Variants in DNAH9 observed in about 807,000 individuals in gnomAD.
The protein encoded by DNAH9 is dynein axonemal heavy chain 9, also known as DNAH9 variant protein.
Under a neutral mutation model 471.6 loss-of-function variants are expected in DNAH9, and 345 were observed. The ratio of observed to expected loss-of-function variants is 0.73; its 90% CI spans 0.67 to 0.80. The LOEUF (loss-of-function observed/expected upper bound fraction) is 0.80. DNAH9 is among the 30% of genes least tolerant of loss of function. The probability of loss-of-function intolerance (pLI) is 0.00; values close to 1 mark genes in which losing one functional copy is unlikely to be tolerated. For synonymous variants in DNAH9, 2,093 were observed against 2,123.6 expected, an observed-to-expected ratio of 0.99 and a Z score of 0.40; for missense variants, 5,407 against 5,609.2, an observed-to-expected ratio of 0.96 and a Z score of 1.15.
At chr17:11,942,178 T>A in intron 66 of DNAH9, 125 bp from the exon 67 acceptor site, 1 of 1,330,472 alleles carries the variant, frequency 7.5e-7, no homozygotes, top group Non-Finnish European at 1.0e-6. Flanking sequence ...AGTTTGGCCA[T>A]GTCAGTGGGT....
At position 11,886,322 on chromosome 17, in the gene DNAH9, TCAAACAAA is replaced by T. The variant is rs371583670; in HGVS notation, c.10972-482_10972-475del. ...CTGGGGACAAGAGCGAGACTTTGTC[TCAAACAAA>T]CAAACAAACAAACAAACAAAAAAGA... On this transcript the variant is annotated intron_variant, in intron 56 of 68. Coordinates refer to ENST00000262442, the MANE Select transcript of DNAH9 (RefSeq NM_001372.4). Among the ~76,000 whole-genome samples the T allele has an allele frequency of 2.5e-3, 375 of 152,000 alleles. 5 individuals are homozygous for T. The highest frequency in any genetic ancestry group is 8.4e-3 in the African/African-American group (350 of 41,456).
chr17:11,649,295 A>G (rs1298063549), intron 12 of DNAH9, among the ~76,000 whole-genome samples: 1 of 152,208 alleles, frequency 6.6e-6, no homozygotes, highest in African/African-American at 2.4e-5. Context: ...GGGCATTTAC[A>G]TCATTTTACA....
At chr17:11,879,190 G>A (rs1027290531) in intron 53 of DNAH9, among the ~76,000 whole-genome samples, 1 of 152,132 alleles carries the variant, frequency 6.6e-6, no homozygotes, top group South Asian at 2.1e-4. Flanking sequence ...AAAAATGAGA[G>A]GGCGGGGTAG....
intron 19 of DNAH9, among the ~76,000 whole-genome samples, chr17:11,682,068 G>C: frequency 6.6e-6 from 1 of 152,140 alleles, no homozygotes; most frequent in East Asian, 1.9e-4. Context: ...GGATCGTTCT[G>C]GTTGTTGTCT....
At chr17:11,790,591 G>A (rs34004591) in intron 41 of DNAH9, among the ~76,000 whole-genome samples, 5,344 of 151,860 alleles carry the variant, frequency 0.035, 129 homozygotes, top group Non-Finnish European at 0.052. Context: ...AGCAGCATAC[G>A]GTTGGGTTCT....
At chr17:11,945,052 G>A (rs577631184) in intron 67 of DNAH9, among the ~76,000 whole-genome samples, 5 of 152,306 alleles carry the variant, frequency 3.3e-5, no homozygotes, top group African/African-American at 1.2e-4. Flanking sequence ...GAGTGGTCTG[G>A]CCTGTGAGTG....
chr17:11,851,341 C>T (rs1424644813), intron 49 of DNAH9, among the ~76,000 whole-genome samples: 1 of 152,116 alleles, frequency 6.6e-6, no homozygotes, highest in Admixed American at 6.6e-5. Flanking sequence ...TGGTCTCGAA[C>T]TCCTGACCTT....
chr17:11,728,685 A>T, intron 28 of DNAH9, among the ~76,000 whole-genome samples: 1 of 152,144 alleles, frequency 6.6e-6, no homozygotes, highest in East Asian at 1.9e-4. Context: ...CCCATGAACA[A>T]TCGGAGCAGT....
At chr17:11,727,728 T>TG in intron 27 of DNAH9, 90 bp from the exon 28 acceptor site, 1 of 816,860 alleles carries the variant, frequency 1.2e-6, no homozygotes, top group Non-Finnish European at 2.1e-6. Context: ...GGACTAGAAG[T>TG]ATCTATAATA....
intron 67 of DNAH9, among the ~76,000 whole-genome samples, chr17:11,957,158 TAAATG>T (rs894732594): frequency 3.3e-5 from 5 of 152,200 alleles, no homozygotes; most frequent in Admixed American, 2.0e-4. Context: ...TTCAACTACT[TAAATG>T]AAGTGAACCA....
Position 11,891,879 on chromosome 17 carries a change from T to A in DNAH9, c.11215T>A (p.Tyr3739Asn). 1.2e-6 allele frequency: 2 copies of A among 1,614,166 alleles called. No homozygotes were observed. The highest frequency in any genetic ancestry group is 1.7e-6 in the Non-Finnish European group (2 of 1,180,014). ...AATAGACAGCATAACCTTCTCTGTG[T>A]ACCAGTACACCATCCGCGGGCTCTT... ...NLIDSITFSVYQYTIRGLFEC... is the reference protein window; with the variant it reads ...NLIDSITFSVNQYTIRGLFEC... The change falls in exon 58 of 69, where the codon TAC (tyrosine) becomes AAC (asparagine). Residue 3739 changes from tyrosine (Y) to asparagine (N), a missense_variant. By Grantham distance (143) the Tyr-to-Asn change is moderately radical (BLOSUM62 -2). This residue lies in a region of DNAH9 where 4,636 missense variants were observed against 4,900.3 expected (regional missense o/e 0.95). Coordinates refer to ENST00000262442, the MANE Select transcript of DNAH9 (RefSeq NM_001372.4).
At chr17:11,780,937 A>T in intron 38 of DNAH9, 72 bp from the exon 39 acceptor site, 3 of 1,500,588 alleles carry the variant, frequency 2.0e-6, no homozygotes, top group Non-Finnish European at 2.7e-6. Flanking sequence ...CTTCTCCTTG[A>T]AATCTTTGCT....
chr17:11,967,182 C>A (rs141959740), intron 68 of DNAH9, among the ~76,000 whole-genome samples: 1 of 151,894 alleles, frequency 6.6e-6, no homozygotes, highest in African/African-American at 2.4e-5. Flanking sequence ...ACAGGGCTCA[C>A]TGCAGCCTCA....
intron 68 of DNAH9, among the ~76,000 whole-genome samples, chr17:11,967,622 A>T (rs974218890): frequency 6.6e-6 from 1 of 152,200 alleles, no homozygotes; most frequent in African/African-American, 2.4e-5. Context: ...ATACAATTTT[A>T]AAAAGGCAGA....
At chr17:11,769,859 G>A (rs1441494873) in intron 38 of DNAH9, among the ~76,000 whole-genome samples, 1 of 152,184 alleles carries the variant, frequency 6.6e-6, no homozygotes, top group Non-Finnish European at 1.5e-5. Context: ...AAATAGACAT[G>A]GGCCACCGGT....
chr17:11,644,541 C>T (rs1567686054), intron 10 of DNAH9, 90 bp from the exon 11 acceptor site: 3 of 920,792 alleles, frequency 3.3e-6, no homozygotes, highest in Non-Finnish European at 3.4e-6. Context: ...GAGCTATTCA[C>T]GCTCTTCTTT....
At chr17:11,944,204 C>CT (rs1456853616) in intron 67 of DNAH9, among the ~76,000 whole-genome samples, 1 of 152,136 alleles carries the variant, frequency 6.6e-6, no homozygotes. Context: ...GCACTGCCTG[C>CT]TGGAGGGTGC....
intron 17 of DNAH9, among the ~76,000 whole-genome samples, chr17:11,677,643 A>G (rs1408581858): frequency 1.3e-5 from 2 of 152,156 alleles, no homozygotes; most frequent in Non-Finnish European, 1.5e-5. Context: ...ATCGTGGTAC[A>G]TTTTAATTTA....
At chr17:11,943,997 G>T (rs1186960045) in intron 67 of DNAH9, among the ~76,000 whole-genome samples, 1 of 152,212 alleles carries the variant, frequency 6.6e-6, no homozygotes, top group East Asian at 1.9e-4. Flanking sequence ...TATGGAACTT[G>T]GGTAATGTGG....
Sources: gnomAD v4.1 joint callset for allele counts (sites outside exome capture counted in the v4.1 genomes callset) on GRCh38, gnomAD v4.1.1 for gene constraint, gnomAD v4.1.1 regional missense constraint, MANE v1.5 for transcripts, NCBI Gene and HGNC (gene_info 2026-07-23, HGNC 2026-07-21) for gene names.